The following EPM2A variants were observed in gnomAD, a reference collection of about 807,000 sequenced individuals.
EPM2A encodes laforin.
In EPM2A, 21 loss-of-function variants were observed where a neutral mutation model predicts 26.5. The observed-to-expected ratio is 0.79, with a 90% confidence interval of 0.56 to 1.14. The LOEUF is 1.14. EPM2A is among the 50% of genes most tolerant of loss of function. EPM2A has a pLI of 0.00. For missense variants in EPM2A, 458 were observed against 440.8 expected (o/e 1.04, Z -0.35); for synonymous variants, 217 against 177.6 (o/e 1.22, Z -1.76).
chr6:145,495,310 A>T (rs1582798576), intron 4 of EPM2A, among the ~76,000 whole-genome samples: 2 of 143,696 alleles, frequency 1.4e-5, no homozygotes, highest in Admixed American at 6.8e-5. Flanking sequence ...AACCACTGGG[A>T]TTTTTTTTTT....
intron 4 of EPM2A, among the ~76,000 whole-genome samples, chr6:145,385,674 T>A (rs1416343393): frequency 6.6e-6 from 1 of 152,168 alleles, no homozygotes; most frequent in Non-Finnish European, 1.5e-5. Context: ...GGTGTTTCTG[T>A]ACACAGACTT....
chr6:145,383,707 A>C (rs1778221057), exon 5 of EPM2A: 1 of 152,240 alleles, frequency 6.6e-6, no homozygotes, highest in Admixed American at 6.5e-5. Flanking sequence ...TCCAGACAAT[A>C]TCATATGTCT....
intron 2 of EPM2A, among the ~76,000 whole-genome samples, chr6:145,520,338 T>C (rs968639267): frequency 1.3e-5 from 2 of 152,212 alleles, no homozygotes; most frequent in African/African-American, 4.8e-5. Flanking sequence ...CTTCACCTCA[T>C]TTGCTTTCTT....
intron 2 of EPM2A, among the ~76,000 whole-genome samples, chr6:145,508,592 C>T (rs941262835): frequency 6.6e-5 from 10 of 152,072 alleles, no homozygotes; most frequent in Admixed American, 3.3e-4. Flanking sequence ...CAACACTCCC[C>T]ATCAAAACAA....
chr6:145,578,884 A>G (rs1262213002), intron 2 of EPM2A, among the ~76,000 whole-genome samples: 1 of 152,132 alleles, frequency 6.6e-6, no homozygotes, highest in Non-Finnish European at 1.5e-5. Flanking sequence ...TCTCAGCTCC[A>G]GAAGAAAAAA....
At chr6:145,518,570 C>T (rs1364140612) in intron 2 of EPM2A, among the ~76,000 whole-genome samples, 2 of 127,978 alleles carry the variant, frequency 1.6e-5, no homozygotes, top group Non-Finnish European at 3.1e-5. Context: ...ACCCAGGGAT[C>T]AGTTCCAGAT....
intron 2 of EPM2A, among the ~76,000 whole-genome samples, chr6:145,539,970 T>A (rs1780484486): frequency 6.6e-6 from 1 of 152,154 alleles, no homozygotes; most frequent in African/African-American, 2.4e-5. Context: ...AAACAGCTAC[T>A]ATGACTCAGA....
chr6:145,730,197 A>G (rs999625049), intron 1 of EPM2A, among the ~76,000 whole-genome samples: 2 of 152,336 alleles, frequency 1.3e-5, no homozygotes, highest in Admixed American at 1.3e-4. Context: ...CTACTTCTTT[A>G]TAGCAATGCA....
intron 2 of EPM2A, among the ~76,000 whole-genome samples, chr6:145,610,467 T>C (rs1441267459): frequency 6.6e-6 from 1 of 152,238 alleles, no homozygotes; most frequent in Non-Finnish European, 1.5e-5. Flanking sequence ...TGAAAGACTC[T>C]TATTTCCTTG....
At chr6:145,501,652 G>T (rs186071303) in exon 4 of EPM2A, 15 of 393,730 alleles carry the variant, frequency 3.8e-5, no homozygotes, top group African/African-American at 3.1e-4. Flanking sequence ...TTGGGCAGAA[G>T]TGGGGGAAGA....
rs530418057 is a variant in EPM2A at position 145,465,091 on chromosome 6, C to T, written c.555+37431G>A. Among the ~76,000 whole-genome samples the T allele has an allele frequency of 2.0e-5, 3 of 152,118 alleles. No homozygotes were observed. The East Asian group carries it at 5.8e-4, about 29-fold the overall frequency. Reference sequence around the variant, plus strand: ...GTGTTTTCCAACTTGGTTCCATTCTCCCCGTCACTTTCAGGTACACCAATC... The same window carrying T: ...GTGTTTTCCAACTTGGTTCCATTCTTCCCGTCACTTTCAGGTACACCAATC... On this transcript the variant is annotated intron_variant, in intron 4 of 4. Coordinates refer to the EPM2A transcript ENST00000638717.
chr6:145,729,733 T>A (rs183031748), intron 1 of EPM2A, among the ~76,000 whole-genome samples: 1 of 152,318 alleles, frequency 6.6e-6, no homozygotes, highest in East Asian at 1.9e-4. Flanking sequence ...ACTTCTGAGT[T>A]AATGCTGAAA....
intron 2 of EPM2A, among the ~76,000 whole-genome samples, chr6:145,599,355 C>T (rs1466842483): frequency 6.6e-6 from 1 of 151,932 alleles, no homozygotes; most frequent in Non-Finnish European, 1.5e-5. Flanking sequence ...TAATTAGTTA[C>T]TGTACTTCTT....
At chr6:145,578,139 A>T (rs971015877) in intron 2 of EPM2A, among the ~76,000 whole-genome samples, 6 of 152,104 alleles carry the variant, frequency 3.9e-5, no homozygotes, top group African/African-American at 1.2e-4. Flanking sequence ...ATCTTAAAGA[A>T]CTAGAAAATC....
intron 2 of EPM2A, among the ~76,000 whole-genome samples, chr6:145,648,430 C>T (rs1777642403): frequency 6.6e-6 from 1 of 152,176 alleles, no homozygotes; most frequent in African/African-American, 2.4e-5. Flanking sequence ...AAGTTTCATT[C>T]ATGCTTGGAG....
At chr6:145,574,550 A>G (rs1213263423) in intron 2 of EPM2A, among the ~76,000 whole-genome samples, 1 of 152,152 alleles carries the variant, frequency 6.6e-6, no homozygotes, top group Admixed American at 6.5e-5. Context: ...GCCCTCACAA[A>G]TCTATTTCAC....
At chr6:145,389,835 T>A (rs1441143813) in intron 4 of EPM2A, among the ~76,000 whole-genome samples, 1 of 152,230 alleles carries the variant, frequency 6.6e-6, no homozygotes, top group Non-Finnish European at 1.5e-5. Flanking sequence ...TTGTCAATGA[T>A]GACGGCCAAT....
chr6:145,497,452 C>G, downstream of EPM2A, among the ~76,000 whole-genome samples: 1 of 152,196 alleles, frequency 6.6e-6, no homozygotes, highest in East Asian at 1.9e-4. Flanking sequence ...ATGTTGCCAG[C>G]CCAAATGCAC....
chr6:145,570,217 C>G (rs1371490471), intron 2 of EPM2A, among the ~76,000 whole-genome samples: 1 of 152,152 alleles, frequency 6.6e-6, no homozygotes, highest in South Asian at 2.1e-4. Flanking sequence ...TTGTACCCTT[C>G]AATCCAATCA....
Sources: gnomAD v4.1 joint callset for allele counts (sites outside exome capture counted in the v4.1 genomes callset) on GRCh38, gnomAD v4.1.1 for gene constraint, MANE v1.5 for transcripts, NCBI Gene and HGNC (gene_info 2026-07-23, HGNC 2026-07-21) for gene names.